Variants in DOCK4 observed in about 807,000 individuals in gnomAD.
DOCK4 encodes dedicator of cytokinesis 4.
DOCK4 carries 97 observed loss-of-function variants against 268.1 expected under a neutral mutation model. The observed-to-expected ratio is 0.36, with a 90% CI of 0.31 to 0.43. The LOEUF (loss-of-function observed/expected upper bound fraction) is 0.43. Ranked by LOEUF, DOCK4 falls within the 20% of genes least tolerant of loss-of-function variation. The probability of loss-of-function intolerance (pLI) is 1.00; values close to 1 mark genes in which losing one functional copy is unlikely to be tolerated. For missense variants in DOCK4, 2,145 were observed against 2,455.7 expected (o/e 0.87, Z 2.67); for synonymous variants, 954 against 887.2 (o/e 1.08, Z -1.34).
chr7:111,852,194 G>A (rs1475992120), intron 23 of DOCK4, among the ~76,000 whole-genome samples: 2 of 151,762 alleles, frequency 1.3e-5, no homozygotes, highest in African/African-American at 2.4e-5. Flanking sequence ...GAACTCCTCC[G>A]CTCAGGCAAT....
chr7:111,842,248 C>T (rs940378943), intron 25 of DOCK4, among the ~76,000 whole-genome samples: 4 of 152,078 alleles, frequency 2.6e-5, no homozygotes, highest in African/African-American at 4.8e-5. Context: ...AGCAAGGGCA[C>T]GGTGTAGATT....
chr7:111,740,987 A>C, intron 47 of DOCK4, 107 bp downstream of exon 47: 2 of 1,371,660 alleles, frequency 1.5e-6, no homozygotes, highest in Non-Finnish European at 1.0e-6. Context: ...CCTTAAGCCA[A>C]GTTCTTGCTT....
At chr7:111,926,416 C>T (rs371499753) in intron 12 of DOCK4, among the ~76,000 whole-genome samples, 10 of 86,430 alleles carry the variant, frequency 1.2e-4, no homozygotes, top group East Asian at 6.7e-4. Context: ...GGCGACACAG[C>T]GAGACAAAGA....
chr7:112,054,991 T>C (rs1035098304), intron 1 of DOCK4, among the ~76,000 whole-genome samples: 4 of 152,232 alleles, frequency 2.6e-5, no homozygotes, highest in African/African-American at 9.6e-5. Context: ...ATTTATTCAA[T>C]TTCTACAAAC....
At chr7:111,917,042 C>G (rs987595933) in intron 12 of DOCK4, among the ~76,000 whole-genome samples, 2 of 131,182 alleles carry the variant, frequency 1.5e-5, no homozygotes, top group South Asian at 2.6e-4. Context: ...GGCTGGAGTA[C>G]AGTGGCGCGA....
intron 1 of DOCK4, among the ~76,000 whole-genome samples, chr7:112,099,138 A>C (rs571020884): frequency 1.3e-5 from 2 of 151,990 alleles, no homozygotes; most frequent in East Asian, 3.9e-4. Flanking sequence ...AAAAAATACA[A>C]AAATTTATCC....
intron 39 of DOCK4, among the ~76,000 whole-genome samples, chr7:111,763,515 G>GT (rs2133618806): frequency 6.6e-6 from 1 of 152,308 alleles, no homozygotes; most frequent in South Asian, 2.1e-4. Flanking sequence ...TGCTAATGCA[G>GT]TTTTCCAATT....
intron 52 of DOCK4, 37 bp from the exon 53 acceptor site, chr7:111,728,757 C>CA: frequency 1.3e-6 from 2 of 1,556,204 alleles, no homozygotes; most frequent in Non-Finnish European, 1.7e-6. Context: ...GGAGACACAG[C>CA]ATTGAGTCGT....
chr7:111,807,472 T>A (rs976672794), intron 30 of DOCK4: 3 of 147,250 alleles, frequency 2.0e-5, no homozygotes, highest in African/African-American at 8.0e-5. Context: ...AGATGATAAC[T>A]CTTTTTTTTT....
At chr7:112,066,956 G>A (rs1408131671) in intron 1 of DOCK4, among the ~76,000 whole-genome samples, 1 of 149,254 alleles carries the variant, frequency 6.7e-6, no homozygotes, top group East Asian at 2.0e-4. Context: ...ACCAGCCTGG[G>A]CAATATGGCA....
intron 1 of DOCK4, among the ~76,000 whole-genome samples, chr7:112,104,040 A>G (rs1810922992): frequency 6.6e-6 from 1 of 152,224 alleles, no homozygotes; most frequent in African/African-American, 2.4e-5. Context: ...TAGCAGCCAG[A>G]GCTTTATTCC....
chr7:112,152,458 A>G (rs1816181936), intron 1 of DOCK4, among the ~76,000 whole-genome samples: 1 of 152,200 alleles, frequency 6.6e-6, no homozygotes, highest in Non-Finnish European at 1.5e-5. Context: ...CAAGTCACAG[A>G]GTCCAACAGG....
At chr7:111,894,154 A>G (rs6962320) in intron 16 of DOCK4, among the ~76,000 whole-genome samples, 71,281 of 151,378 alleles carry the variant, frequency 0.47, 18,762 homozygotes, top group African/African-American at 0.73. Context: ...CCCGGGAGGC[A>G]GAGCTTGCAG....
At chr7:112,174,594 TACAGGG>T (rs1451081993) in intron 1 of DOCK4, among the ~76,000 whole-genome samples, 1 of 152,046 alleles carries the variant, frequency 6.6e-6, no homozygotes, top group African/African-American at 2.4e-5. Context: ...AAATCATGAT[TACAGGG>T]AAAAAAGGCA....
At chr7:111,916,218 C>T (rs527913329) in intron 12 of DOCK4, among the ~76,000 whole-genome samples, 1 of 152,076 alleles carries the variant, frequency 6.6e-6, no homozygotes, top group Non-Finnish European at 1.5e-5. Flanking sequence ...TGCGCCAACA[C>T]TTATTCCAGA....
intron 1 of DOCK4, among the ~76,000 whole-genome samples, chr7:112,010,719 C>T (rs1409281180): frequency 6.6e-6 from 1 of 152,200 alleles, no homozygotes; most frequent in Non-Finnish European, 1.5e-5. Flanking sequence ...CATTCTTATG[C>T]CAGTTATCAC....
intron 1 of DOCK4, among the ~76,000 whole-genome samples, chr7:112,151,572 T>G (rs1450509011): frequency 6.6e-6 from 1 of 152,050 alleles, no homozygotes; most frequent in Non-Finnish European, 1.5e-5. Context: ...AGTAAGCATC[T>G]CTGAGTCATA....
chr7:112,017,050 C>G (rs1801868674), intron 1 of DOCK4, among the ~76,000 whole-genome samples: 1 of 152,170 alleles, frequency 6.6e-6, no homozygotes, highest in African/African-American at 2.4e-5. Context: ...CTGCAATTAT[C>G]ACTGACTTAT....
At chr7:111,933,100 ATATATATACG>A (rs1794342499) in intron 12 of DOCK4, among the ~76,000 whole-genome samples, 1 of 141,320 alleles carries the variant, frequency 7.1e-6, no homozygotes, top group Non-Finnish European at 1.5e-5. Context: ...GTATATACAC[ATATATATACG>A]TATATACACA....
Sources: allele counts gnomAD v4.1 joint callset (sites outside exome capture counted in the v4.1 genomes callset), GRCh38; gene constraint gnomAD v4.1.1; transcripts MANE v1.5; gene names NCBI Gene and HGNC (gene_info 2026-07-23, HGNC 2026-07-21).